NFIA: variants seen among roughly 807,000 people sequenced by gnomAD.
NFIA encodes nuclear factor I A, also known as nuclear factor 1 A-type.
Under a neutral mutation model 62.8 loss-of-function variants are expected in NFIA, and 8 were observed. That is an observed-to-expected ratio of 0.13 (90% CI 0.07 to 0.23). NFIA has a LOEUF of 0.23. NFIA is among the 10% of genes least tolerant of loss of function. The pLI is 1.00. For missense variants in NFIA, 410 were observed against 642.1 expected, an observed-to-expected ratio of 0.64 and a Z score of 3.91; for synonymous variants, 235 against 238.1, an observed-to-expected ratio of 0.99 and a Z score of 0.12.
At chr1:61,161,717 G>A (rs1030768995) in intron 2 of NFIA, among the ~76,000 whole-genome samples, 2 of 152,046 alleles carry the variant, frequency 1.3e-5, no homozygotes, top group African/African-American at 4.8e-5. Context: ...ATGTGTGTAT[G>A]TGTATCCGTA....
chr1:61,405,446 T>A (rs974891227), intron 8 of NFIA, among the ~76,000 whole-genome samples: 1 of 152,186 alleles, frequency 6.6e-6, no homozygotes, highest in African/African-American at 2.4e-5. Context: ...ACTAAATATA[T>A]AAGTAAATGT....
Position 61,432,658 on chromosome 1 carries a change from T to TATATACAGAG in NFIA, c.1512+6108_1512+6117dup, listed in dbSNP as rs1428366540. Among the ~76,000 whole-genome samples the TATATACAGAG allele has an allele frequency of 2.7e-4, 40 of 148,562 alleles. No individual in the cohort carries two copies. In the East Asian group the frequency reaches 5.6e-3, roughly 21 times the overall value. On this transcript the variant is annotated intron_variant, in intron 10 of 10. Coordinates refer to ENST00000403491, the MANE Select transcript of NFIA (RefSeq NM_001134673.4). ...ATATATATACACATATATATACATA[T>TATATACAGAG]ATATACAGAGATATATATACACATG...
At chr1:61,404,764 A>G (rs1665738434) in intron 8 of NFIA, among the ~76,000 whole-genome samples, 1 of 152,232 alleles carries the variant, frequency 6.6e-6, no homozygotes, top group African/African-American at 2.4e-5. Flanking sequence ...CTTGAACTCA[A>G]GATGCTGAAA....
intron 10 of NFIA, among the ~76,000 whole-genome samples, chr1:61,444,322 C>T (rs1006933051): frequency 2.0e-5 from 3 of 152,198 alleles, no homozygotes; most frequent in African/African-American, 7.2e-5. Context: ...CCTTCTTTGC[C>T]TCTGGAGTAG....
At chr1:61,277,303 C>T (rs866906696) in intron 2 of NFIA, among the ~76,000 whole-genome samples, 2 of 152,128 alleles carry the variant, frequency 1.3e-5, no homozygotes, top group Admixed American at 6.5e-5. Flanking sequence ...CGTAGGTGTC[C>T]GCAAACCGGA....
At chr1:61,298,827 G>A (rs2806431) in intron 3 of NFIA, among the ~76,000 whole-genome samples, 124,436 of 152,102 alleles carry the variant, frequency 0.82, 51,075 homozygotes, top group East Asian at 0.9. Context: ...CATCTTCATT[G>A]AACTGGACTT....
intron 2 of NFIA, among the ~76,000 whole-genome samples, chr1:61,165,883 T>A (rs758115327): frequency 1.3e-5 from 2 of 152,212 alleles, no homozygotes; most frequent in Non-Finnish European, 2.9e-5. Context: ...GTAATCACTT[T>A]GTCAGGCTGA....
In NFIA at chr1:61,299,053, A is replaced by G. The variant is rs1291755399; in HGVS notation, c.625+21468A>G. ...TCATGCATTTCTAAAATAATTGTAT[A>G]CTAGAGCTCTTTTCCATTGCTTGAC... On this transcript the variant is annotated intron_variant, in intron 3 of 10. Coordinates refer to ENST00000403491, the MANE Select transcript of NFIA (RefSeq NM_001134673.4). 2.6e-5 allele frequency among the ~76,000 whole-genome samples: 4 copies of G among 152,284 alleles called. No homozygotes were observed. The East Asian group carries it at 7.7e-4, about 29-fold the overall frequency.
At chr1:61,085,274 A>T (rs1053193678) in intron 1 of NFIA, among the ~76,000 whole-genome samples, 1 of 152,200 alleles carries the variant, frequency 6.6e-6, no homozygotes, top group African/African-American at 2.4e-5. Flanking sequence ...TACTGTCCAT[A>T]TAATGATAAC....
chr1:61,271,077 G>A (rs879698729), intron 2 of NFIA, among the ~76,000 whole-genome samples: 7 of 152,154 alleles, frequency 4.6e-5, no homozygotes, highest in Non-Finnish European at 7.3e-5. Context: ...AGCCTCATGC[G>A]AAGATTGAAG....
intron 3 of NFIA, 116 bp downstream of exon 3, chr1:61,277,701 C>G: frequency 1.0e-6 from 1 of 975,862 alleles, no homozygotes; most frequent in African/African-American, 1.6e-5. Context: ...AGGAACAACT[C>G]CAAAGACTCG....
At chr1:61,449,966 T>C (rs2100586939) in intron 10 of NFIA, among the ~76,000 whole-genome samples, 1 of 152,318 alleles carries the variant, frequency 6.6e-6, no homozygotes, top group Middle Eastern at 3.4e-3. Context: ...ACTGGCTTGC[T>C]TGAAGTCACA....
chr1:61,358,914 A>G (rs997047397), intron 5 of NFIA, among the ~76,000 whole-genome samples: 2 of 152,206 alleles, frequency 1.3e-5, no homozygotes, highest in Admixed American at 6.5e-5. Context: ...TGGCAGCAGC[A>G]GCAACTTGAT....
chr1:61,324,764 T>C (rs866270663), intron 3 of NFIA, among the ~76,000 whole-genome samples: 2 of 152,216 alleles, frequency 1.3e-5, no homozygotes, highest in Admixed American at 6.5e-5. Flanking sequence ...TCCCATGTAA[T>C]GGCATTTTCC....
At chr1:61,160,969 C>T (rs1649157534) in intron 2 of NFIA, among the ~76,000 whole-genome samples, 2 of 152,192 alleles carry the variant, frequency 1.3e-5, no homozygotes, top group Admixed American at 1.3e-4. Flanking sequence ...GGCTGGAGTG[C>T]AGTGGCACAA....
chr1:61,097,616 A>G (rs1570144419), intron 2 of NFIA, among the ~76,000 whole-genome samples: 2 of 152,214 alleles, frequency 1.3e-5, no homozygotes, highest in East Asian at 3.9e-4. Context: ...TAGAAACTGT[A>G]GTGTTACATT....
chr1:61,417,275 G>GTA, intron 9 of NFIA, among the ~76,000 whole-genome samples: 1 of 148,000 alleles, frequency 6.8e-6, no homozygotes, highest in South Asian at 2.2e-4. Context: ...TTGTGTGTGT[G>GTA]TGTGTGTGTG....
chr1:61,289,387 G>A (rs1210291860), intron 3 of NFIA, among the ~76,000 whole-genome samples: 4 of 152,172 alleles, frequency 2.6e-5, no homozygotes, highest in African/African-American at 9.7e-5. Context: ...TCCTATGGAG[G>A]TAGGTGCTAT....
In NFIA at chr1:61,455,607, G is replaced by A. The variant is rs1201100595; in HGVS notation, c.*287G>A. 2 of 499,080 alleles carry A rather than the reference G, an allele frequency of 4.0e-6. No individual in the cohort carries two copies. The highest frequency in any genetic ancestry group is 7.0e-6 in the Non-Finnish European group (2 of 287,200). 30.9% of individuals were successfully genotyped at this position (499,080 alleles called of 1,614,324 possible). A position where few individuals can be genotyped will look rare whatever the true frequency, so the allele number is the denominator to read the frequency against. ...TTGTAACATTTGAAGTGTTTCCATG[G>A]TAGCGTGAGCATTAGGTGACGTGGC... is the stretch of plus-strand genomic sequence containing the variant. On this transcript the variant is annotated 3_prime_UTR_variant, in exon 11 of 11. Transcript: ENST00000403491.
Sources: allele counts gnomAD v4.1 joint callset (sites outside exome capture counted in the v4.1 genomes callset), GRCh38; gene constraint gnomAD v4.1.1; transcripts MANE v1.5; gene names NCBI Gene and HGNC (gene_info 2026-07-23, HGNC 2026-07-21).